The following GPC5 variants were observed in gnomAD, a reference collection of about 807,000 sequenced individuals.
GPC5 encodes the protein glypican 5.
GPC5 carries 47 observed loss-of-function variants against 53.9 expected under a neutral mutation model. The observed-to-expected ratio is 0.87, with a 90% confidence interval of 0.69 to 1.11. GPC5 has a LOEUF of 1.11. Among genes scored for constraint, GPC5 ranks in the 50% most tolerant of loss-of-function variants. GPC5 has a pLI of 0.00. For synonymous variants in GPC5, 286 were observed against 263.3 expected, an observed-to-expected ratio of 1.09 and a Z score of -0.84; for missense variants, 748 against 713.1, an observed-to-expected ratio of 1.05 and a Z score of -0.56.
chr13:91,573,783 T>C (rs2032032108), intron 2 of GPC5, among the ~76,000 whole-genome samples: 1 of 152,116 alleles, frequency 6.6e-6, no homozygotes, highest in Non-Finnish European at 1.5e-5. Flanking sequence ...TCTAAAGAGA[T>C]AAATGTGGAG....
intron 7 of GPC5, among the ~76,000 whole-genome samples, chr13:92,649,942 C>T (rs1373322980): frequency 2.0e-5 from 3 of 151,946 alleles, no homozygotes; most frequent in Non-Finnish European, 2.9e-5. Context: ...TCATTTTATG[C>T]CTCAGAAATA....
At chr13:91,538,966 GAA>G (rs930887022) in intron 2 of GPC5, among the ~76,000 whole-genome samples, 8 of 151,994 alleles carry the variant, frequency 5.3e-5, no homozygotes, top group African/African-American at 1.7e-4. Flanking sequence ...AAGTATCCCT[GAA>G]AGATATTAAT....
intron 3 of GPC5, among the ~76,000 whole-genome samples, chr13:91,697,297 C>T (rs2035899168): frequency 6.6e-6 from 1 of 152,114 alleles, no homozygotes; most frequent in Non-Finnish European, 1.5e-5. Context: ...TGCCTGCCAC[C>T]ATGCCCAGCT....
At chr13:91,754,362 G>T (rs964557060) in intron 4 of GPC5, among the ~76,000 whole-genome samples, 2 of 152,054 alleles carry the variant, frequency 1.3e-5, no homozygotes, top group Admixed American at 6.6e-5. Context: ...ATAAAGGCTT[G>T]GACTAAGGCA....
intron 2 of GPC5, among the ~76,000 whole-genome samples, chr13:91,541,071 T>G (rs961898868): frequency 1.3e-5 from 2 of 152,168 alleles, no homozygotes; most frequent in African/African-American, 4.8e-5. Flanking sequence ...TACCTAATTT[T>G]TGTGTTTAAA....
At chr13:92,528,936 G>A (rs1320143410) in intron 7 of GPC5, among the ~76,000 whole-genome samples, 2 of 152,000 alleles carry the variant, frequency 1.3e-5, no homozygotes, top group Non-Finnish European at 2.9e-5. Context: ...GATAAGAACT[G>A]TGAAAATCTA....
chr13:91,974,287 T>G (rs1026759997), intron 6 of GPC5, among the ~76,000 whole-genome samples: 35 of 152,260 alleles, frequency 2.3e-4, no homozygotes, highest in South Asian at 1.5e-3. Flanking sequence ...GGCAGGAGAA[T>G]GAAATAAAGG....
intron 7 of GPC5, among the ~76,000 whole-genome samples, chr13:92,363,617 C>T (rs2043585853): frequency 6.6e-6 from 1 of 151,738 alleles, no homozygotes; most frequent in East Asian, 1.9e-4. Context: ...GCTATGCAGC[C>T]TGGTACCAGT....
chr13:91,849,597 A>G (rs748466730), intron 5 of GPC5, among the ~76,000 whole-genome samples: 6 of 152,152 alleles, frequency 3.9e-5, no homozygotes, highest in Non-Finnish European at 7.4e-5. Context: ...CTGAACTTTA[A>G]TGTATACTCT....
At chr13:92,205,573 A>G (rs1220114254) in intron 7 of GPC5, among the ~76,000 whole-genome samples, 1 of 152,226 alleles carries the variant, frequency 6.6e-6, no homozygotes, top group Non-Finnish European at 1.5e-5. Context: ...GGCAAGGACA[A>G]ATTCTTTACT....
chr13:92,424,921 G>A (rs565157086), intron 7 of GPC5, among the ~76,000 whole-genome samples: 27 of 152,106 alleles, frequency 1.8e-4, no homozygotes, highest in African/African-American at 6.5e-4. Context: ...ATAAGATATA[G>A]CTCCTGCTTC....
chr13:92,106,954 T>C (rs2041515091), intron 6 of GPC5, among the ~76,000 whole-genome samples: 1 of 152,154 alleles, frequency 6.6e-6, no homozygotes. Flanking sequence ...TAATTCTTTT[T>C]GTATTTCATG....
chr13:91,777,164 G>A lies in GPC5; in HGVS notation c.1280+20744G>A, dbSNP rs547643015. On this transcript the variant is annotated intron_variant, in intron 5 of 7. Transcript: ENST00000377067. ...GCTGGATAATATTGAATACAGACAT[G>A]TTTATTATTTGTCATTTTCATTTAA... Among the ~76,000 whole-genome samples, 43 of 152,176 alleles carry A rather than the reference G, an allele frequency of 2.8e-4. No individual in the cohort carries two copies. In the South Asian group the frequency reaches 8.5e-3, roughly 30 times the overall value.
intron 7 of GPC5, among the ~76,000 whole-genome samples, chr13:92,631,224 A>G (rs1424060490): frequency 1.3e-5 from 2 of 152,128 alleles, no homozygotes; most frequent in African/African-American, 4.8e-5. Flanking sequence ...TTTTTCAAAG[A>G]AAGAAAATTG....
chr13:92,439,933 T>G (rs1877477180), intron 7 of GPC5, among the ~76,000 whole-genome samples: 1 of 150,722 alleles, frequency 6.6e-6, no homozygotes, highest in Non-Finnish European at 1.5e-5. Context: ...GGCTGCAGTC[T>G]GGCTTAAATG....
At chr13:91,467,735 A>G (rs943723233) in intron 2 of GPC5, among the ~76,000 whole-genome samples, 2 of 152,146 alleles carry the variant, frequency 1.3e-5, no homozygotes, top group African/African-American at 4.8e-5. Context: ...TTTCTGATTT[A>G]TTAAGAGGAA....
At chr13:92,806,118 A>G (rs1420688275) in intron 7 of GPC5, among the ~76,000 whole-genome samples, 1 of 152,152 alleles carries the variant, frequency 6.6e-6, no homozygotes, top group East Asian at 1.9e-4. Flanking sequence ...CATCAAAAAT[A>G]GCTTGATCTT....
At chr13:91,465,452 G>A (rs1264242432) in intron 2 of GPC5, among the ~76,000 whole-genome samples, 3 of 152,010 alleles carry the variant, frequency 2.0e-5, no homozygotes, top group East Asian at 1.9e-4. Context: ...TTCCACTTAA[G>A]TACTACAGTT....
intron 2 of GPC5, among the ~76,000 whole-genome samples, chr13:91,689,110 A>G (rs1267503817): frequency 6.7e-6 from 1 of 149,262 alleles, no homozygotes; most frequent in Non-Finnish European, 1.5e-5. Flanking sequence ...TTTAGGCTAC[A>G]GGGAGCTATG....
Sources: allele counts gnomAD v4.1 joint callset (sites outside exome capture counted in the v4.1 genomes callset), GRCh38; gene constraint gnomAD v4.1.1; transcripts MANE v1.5; gene names NCBI Gene and HGNC (gene_info 2026-07-23, HGNC 2026-07-21).